The following CSMD1 variants were observed in gnomAD, a reference collection of about 807,000 sequenced individuals.
The protein encoded by CSMD1 is CUB and sushi domain-containing protein 1.
In CSMD1, 213 loss-of-function variants were observed where a neutral mutation model predicts 417.5. That is an observed-to-expected ratio of 0.51 (90% CI 0.46 to 0.57). The LOEUF (loss-of-function observed/expected upper bound fraction) is 0.57. Among genes scored for constraint, CSMD1 ranks in the 20% least tolerant of loss-of-function variants. CSMD1 has a pLI of 0.00. For synonymous variants in CSMD1, 2,862 were observed against 1,736.8 expected (o/e 1.65, Z -16.11); for missense variants, 6,923 against 4,529.7 (o/e 1.53, Z -15.17).
chr8:4,382,084 C>G (rs1327873630), intron 3 of CSMD1, among the ~76,000 whole-genome samples: 1 of 152,298 alleles, frequency 6.6e-6, no homozygotes, highest in East Asian at 1.9e-4. Context: ...CTTTCCTCTT[C>G]TTGACACATA....
chr8:3,924,823 G>A (rs1809527003), intron 5 of CSMD1, among the ~76,000 whole-genome samples: 1 of 152,098 alleles, frequency 6.6e-6, no homozygotes, highest in African/African-American at 2.4e-5. Flanking sequence ...AAGTTAAGAT[G>A]ATAATTTTAA....
intron 3 of CSMD1, among the ~76,000 whole-genome samples, chr8:4,287,395 C>T (rs771163953): frequency 1.4e-4 from 21 of 152,244 alleles, no homozygotes; most frequent in Non-Finnish European, 2.4e-4. Context: ...AACAACATCC[C>T]ATGATTTCCA....
chr8:4,062,873 G>T (rs2552166), intron 3 of CSMD1, among the ~76,000 whole-genome samples: 1 of 150,492 alleles, frequency 6.6e-6, no homozygotes, highest in South Asian at 2.1e-4. Context: ...AAGCCTGTAC[G>T]TAATACTGAA....
Position 3,411,774 on chromosome 8 carries a change from G to A in CSMD1, c.1562-2169C>T, listed in dbSNP as rs796831778. 5.1e-4 allele frequency among the ~76,000 whole-genome samples: 59 copies of A among 115,200 alleles called. 2 individuals are homozygous for A. Among genetic ancestry groups the A allele is most frequent in the Admixed American group, 1.3e-3 (14 of 10,846 alleles). 75.6% of individuals were successfully genotyped at this position (115,200 alleles called of 152,430 possible). ...CGTGTATATACGTGTATATACGTGTGTATATACCTGTATATATACACGTAT... is the reference window on the plus strand; with the variant it reads ...CGTGTATATACGTGTATATACGTGTATATATACCTGTATATATACACGTAT... On this transcript the variant is annotated intron_variant, in intron 12 of 69. Coordinates refer to ENST00000635120, the MANE Select transcript of CSMD1 (RefSeq NM_033225.6).
intron 1 of CSMD1, among the ~76,000 whole-genome samples, chr8:4,927,502 G>A (rs187068587): frequency 2.2e-4 from 34 of 152,270 alleles, no homozygotes; most frequent in Middle Eastern, 3.4e-3. Context: ...TTAGCTCTGC[G>A]ATGCCAGTCC....
intron 9 of CSMD1, among the ~76,000 whole-genome samples, chr8:3,577,622 G>T (rs1268305312): frequency 6.6e-6 from 1 of 152,090 alleles, no homozygotes; most frequent in Non-Finnish European, 1.5e-5. Flanking sequence ...ATAAATATTA[G>T]CATAGCTTCT....
chr8:4,283,871 G>C (rs1270155976), intron 3 of CSMD1, among the ~76,000 whole-genome samples: 1 of 152,136 alleles, frequency 6.6e-6, no homozygotes, highest in African/African-American at 2.4e-5. Flanking sequence ...TGACCTCCAG[G>C]TCTTTCTCCA....
rs188645965 is a variant in CSMD1 at position 3,106,495 on chromosome 8, G to C, written c.6949+33C>G. On this transcript the variant is annotated intron_variant, in intron 46 of 69. Coordinates refer to ENST00000635120, the MANE Select transcript of CSMD1 (RefSeq NM_033225.6). ...CAATACAATTTTCCATGTTGAATAAGTTTATGTAGTTTTAGTATCGAACAG... is the reference window on the plus strand; with the variant it reads ...CAATACAATTTTCCATGTTGAATAACTTTATGTAGTTTTAGTATCGAACAG... 5,526 of 1,324,112 alleles carry C rather than the reference G, an allele frequency of 4.2e-3. 25 individuals are homozygous for C. The highest frequency in any genetic ancestry group is 0.012 in the South Asian group (999 of 80,096). The allele number at this position is 1,324,112 out of a possible 1,614,324, so 82.0% of individuals were successfully genotyped here. A position where few individuals can be genotyped will look rare whatever the true frequency, so the allele number is the denominator to read the frequency against.
intron 12 of CSMD1, among the ~76,000 whole-genome samples, chr8:3,459,341 A>G (rs572807530): frequency 1.3e-5 from 2 of 152,294 alleles, no homozygotes; most frequent in African/African-American, 4.8e-5. Flanking sequence ...CACAGGGTAC[A>G]CAACACAGCG....
intron 1 of CSMD1, among the ~76,000 whole-genome samples, chr8:4,924,450 C>T (rs1248501698): frequency 7.9e-5 from 12 of 152,206 alleles, no homozygotes; most frequent in South Asian, 2.1e-4. Context: ...CAGCCAGGCA[C>T]GGTGGCTCAC....
At chr8:4,104,057 GTAC>G (rs1801440626) in intron 3 of CSMD1, among the ~76,000 whole-genome samples, 1 of 152,094 alleles carries the variant, frequency 6.6e-6, no homozygotes, top group Admixed American at 6.5e-5. Context: ...CATTACTCAA[GTAC>G]TACAATAGGT....
Position 4,864,326 on chromosome 8 carries a change from G to T in CSMD1, c.85+130006C>A, listed in dbSNP as rs535073972. 2.0e-5 allele frequency among the ~76,000 whole-genome samples: 3 copies of T among 151,704 alleles called. No individual in the cohort carries two copies. In the South Asian group the frequency reaches 6.2e-4, roughly 32 times the overall value. On this transcript the variant is annotated intron_variant, in intron 1 of 69. Coordinates refer to ENST00000635120, the MANE Select transcript of CSMD1 (RefSeq NM_033225.6). ...AACTAAAAAAGGATGATGCCAAATTGACGACATATAATTAGAATGAAAACA... is the reference window on the plus strand; with the variant it reads ...AACTAAAAAAGGATGATGCCAAATTTACGACATATAATTAGAATGAAAACA...
At chr8:3,350,136 A>G (rs541062967) in intron 21 of CSMD1, among the ~76,000 whole-genome samples, 4 of 99,262 alleles carry the variant, frequency 4.0e-5, no homozygotes, top group Admixed American at 1.3e-4. Context: ...TACCTATAAT[A>G]ACCTATAATA....
At position 3,106,556 on chromosome 8, in the gene CSMD1, C is replaced by T; in HGVS notation, c.6921G>A (p.Gln2307=). 6.2e-7 allele frequency: 1 copy of T among 1,613,768 alleles called. No homozygotes were observed. Among genetic ancestry groups the T allele is most frequent in the East Asian group, 2.2e-5 (1 of 44,882 alleles). Residue 2307 remains glutamine (Q), a synonymous_variant, in exon 46 of 70, where the codon CAG becomes CAA. Coordinates refer to ENST00000635120, the MANE Select transcript of CSMD1 (RefSeq NM_033225.6). ...CACATGTTGGGAGAGAACCCTCAAACTGCAACTGGGAACTGAGCTTGCAAG... is the reference window on the plus strand; with the variant it reads ...CACATGTTGGGAGAGAACCCTCAAATTGCAACTGGGAACTGAGCTTGCAAG... ...ILTCKLSSQL[Q]FEGSLPTCEA...
intron 26 of CSMD1, among the ~76,000 whole-genome samples, chr8:3,261,902 A>C (rs1278250996): frequency 6.6e-6 from 1 of 151,994 alleles, no homozygotes; most frequent in South Asian, 2.1e-4. Context: ...GTGGGATCCT[A>C]TTCCTGGGGG....
At chr8:3,671,245 G>A (rs1482477428) in intron 7 of CSMD1, among the ~76,000 whole-genome samples, 1 of 139,472 alleles carries the variant, frequency 7.2e-6, no homozygotes, top group Admixed American at 7.5e-5. Context: ...ATATATGTGT[G>A]GGATATATAT....
intron 2 of CSMD1, among the ~76,000 whole-genome samples, chr8:4,515,615 A>T (rs1468612857): frequency 6.6e-6 from 1 of 152,230 alleles, no homozygotes; most frequent in Non-Finnish European, 1.5e-5. Flanking sequence ...AATTTTATCA[A>T]TAGCAACAAC....
At chr8:3,203,328 C>T (rs776037511) in intron 31 of CSMD1, among the ~76,000 whole-genome samples, 1 of 152,184 alleles carries the variant, frequency 6.6e-6, no homozygotes, top group Non-Finnish European at 1.5e-5. Flanking sequence ...GTCACACACA[C>T]TGAGTCCCAG....
intron 5 of CSMD1, among the ~76,000 whole-genome samples, chr8:3,929,553 A>C (rs1265963409): frequency 6.6e-6 from 1 of 150,688 alleles, no homozygotes. Context: ...TTGTCTGTCT[A>C]TTCTGATGGA....
Sources: gnomAD v4.1 joint callset for allele counts (sites outside exome capture counted in the v4.1 genomes callset) on GRCh38, gnomAD v4.1.1 for gene constraint, MANE v1.5 for transcripts, NCBI Gene and HGNC (gene_info 2026-07-23, HGNC 2026-07-21) for gene names.